SDK1: variants seen among roughly 807,000 people sequenced by gnomAD.
SDK1 encodes protein sidekick-1.
In SDK1, 157 loss-of-function variants were observed where a neutral mutation model predicts 245.5. The observed-to-expected ratio is 0.64, with a 90% confidence interval of 0.56 to 0.73. The LOEUF is 0.73. Ranked by LOEUF, SDK1 falls within the 30% of genes least tolerant of loss-of-function variation. The probability of loss-of-function intolerance (pLI) is 0.00; values close to 1 mark genes in which losing one functional copy is unlikely to be tolerated. For synonymous variants in SDK1, 1,647 were observed against 1,278.5 expected (o/e 1.29, Z -6.15); for missense variants, 3,583 against 3,002.3 (o/e 1.19, Z -4.52).
chr7:3,748,843 T>G (rs2115061673), intron 4 of SDK1, among the ~76,000 whole-genome samples: 1 of 152,332 alleles, frequency 6.6e-6, no homozygotes, highest in South Asian at 2.1e-4. Flanking sequence ...TGCTTTTGTT[T>G]TGAGATTACA....
intron 1 of SDK1, among the ~76,000 whole-genome samples, chr7:3,386,488 T>C (rs1781613572): frequency 6.6e-6 from 1 of 152,264 alleles, no homozygotes; most frequent in African/African-American, 2.4e-5. Context: ...AACAGAGCTG[T>C]CTAGAAGTAA....
intron 1 of SDK1, among the ~76,000 whole-genome samples, chr7:3,403,736 C>T (rs976531141): frequency 1.3e-5 from 2 of 148,352 alleles, no homozygotes; most frequent in Non-Finnish European, 3.0e-5. Context: ...CTTGTGTGCT[C>T]TTCTGAAAGA....
At chr7:3,516,275 A>T (rs183959252) in intron 1 of SDK1, among the ~76,000 whole-genome samples, 1 of 151,972 alleles carries the variant, frequency 6.6e-6, no homozygotes, top group Admixed American at 6.6e-5. Context: ...TATAATACAC[A>T]TATATACTAT....
At chr7:4,176,478 T>C (rs1026167902) in intron 34 of SDK1, among the ~76,000 whole-genome samples, 12 of 152,206 alleles carry the variant, frequency 7.9e-5, no homozygotes, top group Middle Eastern at 3.2e-3. Flanking sequence ...CTTTCTTTTT[T>C]TATTGTGGTA....
At chr7:3,887,680 T>G (rs2128100926) in intron 5 of SDK1, among the ~76,000 whole-genome samples, 1 of 152,350 alleles carries the variant, frequency 6.6e-6, no homozygotes, top group East Asian at 1.9e-4. Flanking sequence ...AGCAGATGAT[T>G]ATTCTCTATG....
chr7:3,620,660 G>C (rs1462772603), intron 2 of SDK1, among the ~76,000 whole-genome samples: 1 of 152,050 alleles, frequency 6.6e-6, no homozygotes, highest in Admixed American at 6.6e-5. Context: ...TTGCTTCCCA[G>C]CCTCTGCAGA....
chr7:3,907,695 A>G (rs1451558763), intron 5 of SDK1, among the ~76,000 whole-genome samples: 2 of 152,262 alleles, frequency 1.3e-5, no homozygotes, highest in Non-Finnish European at 2.9e-5. Flanking sequence ...TACCAAAATG[A>G]AATAAATCAC....
chr7:3,561,387 C>G (rs184314761), intron 1 of SDK1, among the ~76,000 whole-genome samples: 3 of 152,326 alleles, frequency 2.0e-5, no homozygotes, highest in East Asian at 3.9e-4. Flanking sequence ...AAGACACTGT[C>G]TCCTCTCTGG....
chr7:3,891,509 T>A (rs1264780275), intron 5 of SDK1, among the ~76,000 whole-genome samples: 6 of 152,208 alleles, frequency 3.9e-5, no homozygotes, highest in Non-Finnish European at 7.3e-5. Context: ...TAGTTATCGA[T>A]TTGTCCCTTT....
In SDK1 at chr7:3,755,752, T is replaced by TG. The variant is rs1222464049; in HGVS notation, c.714-65696dup. 5.3e-5 allele frequency among the ~76,000 whole-genome samples: 8 copies of TG among 152,294 alleles called. No individual in the cohort carries two copies. The East Asian group carries it at 1.5e-3, about 29-fold the overall frequency. ...TGTTATTTTCAGAATATCACATAAA[T>TG]GGCTACATGCAGTATGGAGCTTTTT... On this transcript the variant is annotated intron_variant, in intron 4 of 44. Coordinates refer to ENST00000404826, the MANE Select transcript of SDK1 (RefSeq NM_152744.4).
At chr7:3,378,193 A>G (rs953657488) in intron 1 of SDK1, among the ~76,000 whole-genome samples, 2 of 152,138 alleles carry the variant, frequency 1.3e-5, no homozygotes, top group African/African-American at 4.8e-5. Context: ...CGGGGGCTAC[A>G]ATTAACATTG....
At chr7:3,460,073 A>G (rs1780787296) in intron 1 of SDK1, among the ~76,000 whole-genome samples, 1 of 152,216 alleles carries the variant, frequency 6.6e-6, no homozygotes, top group Non-Finnish European at 1.5e-5. Context: ...TTATTAAGAT[A>G]TATTTCAAAG....
At chr7:4,135,349 G>A (rs1779000571) in intron 28 of SDK1, among the ~76,000 whole-genome samples, 1 of 152,190 alleles carries the variant, frequency 6.6e-6, no homozygotes, top group African/African-American at 2.4e-5. Context: ...CACCAGGAAA[G>A]GTGAGCGCAT....
At chr7:3,843,101 G>A (rs370541206) in intron 5 of SDK1, among the ~76,000 whole-genome samples, 1 of 152,164 alleles carries the variant, frequency 6.6e-6, no homozygotes, top group African/African-American at 2.4e-5. Context: ...GCGGCTCAGG[G>A]CAGCACAGCT....
chr7:3,864,035 C>G (rs367810704), intron 5 of SDK1, among the ~76,000 whole-genome samples: 2 of 152,216 alleles, frequency 1.3e-5, no homozygotes, highest in South Asian at 4.1e-4. Context: ...TCACAGTGGT[C>G]ACATTCCCAT....
chr7:4,199,914 TA>T (rs1372604310), intron 35 of SDK1, among the ~76,000 whole-genome samples: 2 of 152,058 alleles, frequency 1.3e-5, no homozygotes, highest in African/African-American at 2.4e-5. Flanking sequence ...CACCTGCCAA[TA>T]AAAACCCCAT....
intron 4 of SDK1, among the ~76,000 whole-genome samples, chr7:3,759,948 A>G (rs6979747): frequency 0.048 from 7,301 of 152,150 alleles, 571 homozygotes; most frequent in African/African-American, 0.17. Context: ...TTGCTGTGCT[A>G]TATATTTCCT....
At chr7:3,358,797 A>G (rs1426259238) in intron 1 of SDK1, among the ~76,000 whole-genome samples, 1 of 152,194 alleles carries the variant, frequency 6.6e-6, no homozygotes, top group Non-Finnish European at 1.5e-5. Flanking sequence ...GATGGAGGCA[A>G]AATGGGGTGG....
chr7:3,469,991 A>C (rs140595105), intron 1 of SDK1, among the ~76,000 whole-genome samples: 23 of 152,290 alleles, frequency 1.5e-4, no homozygotes, highest in Non-Finnish European at 2.8e-4. Context: ...CGAGACACAA[A>C]ATGCATGCAG....
Sources: allele counts gnomAD v4.1 joint callset (sites outside exome capture counted in the v4.1 genomes callset), GRCh38; gene constraint gnomAD v4.1.1; transcripts MANE v1.5; gene names NCBI Gene and HGNC (gene_info 2026-07-23, HGNC 2026-07-21).